IL17RA: variants seen among roughly 807,000 people sequenced by gnomAD.
IL17RA encodes the protein interleukin-17 receptor A.
IL17RA carries 34 observed loss-of-function variants against 50.4 expected under a neutral mutation model. That is an observed-to-expected ratio of 0.67 (90% confidence interval 0.51 to 0.90). The LOEUF (loss-of-function observed/expected upper bound fraction) is 0.90, where lower values mean the gene tolerates loss of function less well. Among genes scored for constraint, IL17RA ranks in the 40% least tolerant of loss-of-function variants. The pLI, the probability that IL17RA is intolerant of heterozygous loss-of-function variation, is 0.00. For synonymous variants in IL17RA, 585 were observed against 510.4 expected (o/e 1.15, Z -1.97); for missense variants, 1,276 against 1,169.8 (o/e 1.09, Z -1.32).
intron 12 of IL17RA, 106 bp downstream of exon 12, chr22:17,107,874 C>T: frequency 1.0e-6 from 1 of 969,300 alleles, no homozygotes; most frequent in Non-Finnish European, 1.7e-6. Context: ...CAAGTCCCTT[C>T]AGGAGACCCC....
chr22:17,106,227 A>G (rs1355310485), intron 11 of IL17RA, among the ~76,000 whole-genome samples: 2 of 152,222 alleles, frequency 1.3e-5, no homozygotes, highest in Admixed American at 1.3e-4. Flanking sequence ...GAGCCGGAGT[A>G]AAGTTTCCCT....
intron 1 of IL17RA, among the ~76,000 whole-genome samples, chr22:17,091,302 A>C (rs1352437682): frequency 2.0e-5 from 3 of 152,184 alleles, no homozygotes; most frequent in African/African-American, 7.2e-5. Context: ...TGTGAAAATT[A>C]TGTGTTAAAG....
chr22:17,090,912 C>G (rs1158928307), intron 1 of IL17RA, among the ~76,000 whole-genome samples: 1 of 152,100 alleles, frequency 6.6e-6, no homozygotes, highest in East Asian at 1.9e-4. Context: ...TAGTTTTGTT[C>G]TATCAGACTT....
chr22:17,105,524 T>C, intron 9 of IL17RA, 67 bp from the exon 10 acceptor site: 1 of 1,508,596 alleles, frequency 6.6e-7, no homozygotes, highest in Non-Finnish European at 9.2e-7. Context: ...ACGTCAGTTG[T>C]GTTTCTTGTG....
At position 17,109,471 on chromosome 22, in the gene IL17RA, T is replaced by C. The variant is rs1041169990; in HGVS notation, c.2252T>C (p.Leu751Ser). 1.2e-6 allele frequency: 2 copies of C among 1,612,618 alleles called. No individual in the cohort carries two copies. Among genetic ancestry groups the C allele is most frequent in the Non-Finnish European group, 1.7e-6 (2 of 1,179,724 alleles). Residue 751 changes from leucine (L) to serine (S), a missense_variant, in exon 13 of 13, where the codon TTG becomes TCG. Physicochemically the swap from Leu to Ser is moderately radical, Grantham distance 145 (BLOSUM62 -2). Transcript: ENST00000319363. ...GACGTGAGGGAGCACCTCGAAGGCT[T>C]GATGCTCTCGCTCTTCGAGCAGAGT... ...PEDVREHLEG[L>S]MLSLFEQSLS...
intron 1 of IL17RA, among the ~76,000 whole-genome samples, chr22:17,090,726 G>T (rs1330443319): frequency 6.6e-6 from 1 of 152,136 alleles, no homozygotes; most frequent in Non-Finnish European, 1.5e-5. Context: ...GTTAAATCAT[G>T]ATTTTAGTTA....
chr22:17,085,606 AAGGGGCCCGGGGAGG>A (rs999546617), intron 1 of IL17RA, among the ~76,000 whole-genome samples: 6 of 151,932 alleles, frequency 3.9e-5, no homozygotes. Context: ...GGCTGTGGAG[AAGGGGCCCGGGGAGG>A]AGCCAGGACG....
chr22:17,101,976 C>A lies in IL17RA; in HGVS notation c.551-20C>A. 1 of 1,614,088 alleles carries A rather than the reference C, an allele frequency of 6.2e-7. No homozygotes were observed. Among genetic ancestry groups the A allele is most frequent in the East Asian group, 2.2e-5 (1 of 44,900 alleles). On this transcript the variant is annotated intron_variant, in intron 5 of 12. Coordinates refer to ENST00000319363, the MANE Select transcript of IL17RA (RefSeq NM_014339.7). The stretch of plus-strand genomic sequence containing the variant: ...CTGAAGGCAGAGGCTTAATGAGTTT[C>A]CTTTTTTCTGGGTCGACAGACTGTG...
chr22:17,104,849 AC>A lies in IL17RA; in HGVS notation c.931+40del, dbSNP rs748237942. 2.5e-6 allele frequency: 4 copies of A among 1,598,280 alleles called. No individual in the cohort carries two copies. In the South Asian group the frequency reaches 4.4e-5, roughly 18 times the overall value. Reference sequence around the variant, plus strand: ...GGCTGTCCTAGGCCATACTGGGAGAACAAGTGGCTGAAGGCCCCCAGCCTGT... The same window carrying A: ...GGCTGTCCTAGGCCATACTGGGAGAAAAGTGGCTGAAGGCCCCCAGCCTGT... On this transcript the variant is annotated intron_variant, in intron 9 of 12. Transcript: ENST00000319363.
At chr22:17,094,689 C>CTATATATATATA (rs1435523726) in intron 1 of IL17RA, among the ~76,000 whole-genome samples, 5 of 39,298 alleles carry the variant, frequency 1.3e-4, no homozygotes, top group African/African-American at 2.7e-4. Context: ...CTCTCTCTCT[C>CTATATATATATA]TCTATATATA....
rs1212608891 is a variant in IL17RA, at chr22:17,100,357, G to T, written c.426G>T (p.Trp142Cys). 3 of 1,613,962 alleles carry T rather than the reference G, an allele frequency of 1.9e-6. No homozygotes were observed. Among genetic ancestry groups the T allele is most frequent in the Non-Finnish European group, 1.7e-6 (2 of 1,180,020 alleles). The change falls in exon 5 of 13, where the codon TGG (tryptophan) becomes TGT (cysteine). Residue 142 changes from tryptophan to cysteine, a missense_variant and splice_region_variant. Transcript: ENST00000319363. ...LSKLRHHHRR[W>C]RFTFSHFVVD... ...TTCCCTTCCTCCCTTCTCTTCAGTG[G>T]CGTTTTACCTTCAGCCACTTTGTGG...
intron 1 of IL17RA, 123 bp downstream of exon 1, chr22:17,085,352 C>A: frequency 6.8e-7 from 1 of 1,470,748 alleles, no homozygotes; most frequent in South Asian, 1.3e-5. Flanking sequence ...GCGCCGCGGG[C>A]TTAGAGGGGC....
rs751990928 is a variant in IL17RA at position 17,085,141 on chromosome 22, GGCTGCTCCT to G, written c.61_69del (p.Leu21_Leu23del). On this transcript the variant is annotated inframe_deletion, in exon 1 of 13. Coordinates refer to ENST00000319363, the MANE Select transcript of IL17RA (RefSeq NM_014339.7). ...TCCGCTGTCCCGGGGCCCCTGCTGGGGCTGCTCCTGCTGCTCCTGGGCGTGCTGGCCCCG... is the reference window on the plus strand; with the variant it reads ...TCCGCTGTCCCGGGGCCCCTGCTGGGGCTGCTCCTGGGCGTGCTGGCCCCG... The G allele has an allele frequency of 6.6e-6, 10 of 1,504,932 alleles. No individual in the cohort carries two copies. Among genetic ancestry groups the G allele is most frequent in the South Asian group, 6.2e-5 (5 of 80,552 alleles). The allele number at this position is 1,504,932 out of a possible 1,614,324, so 93.2% of individuals were successfully genotyped here. A position where few individuals can be genotyped will look rare whatever the true frequency, so the allele number is the denominator to read the frequency against.
In IL17RA at chr22:17,111,409, G is replaced by A. The variant is rs568910776; in HGVS notation, c.*1589G>A. 2.0e-5 allele frequency: 3 copies of A among 152,368 alleles called. No individual in the cohort carries two copies. In the South Asian group the frequency reaches 6.2e-4, roughly 32 times the overall value. The allele number at this position is 152,368 out of a possible 1,614,324, so 9.4% of individuals were successfully genotyped here. A position where few individuals can be genotyped will look rare whatever the true frequency, so the allele number is the denominator to read the frequency against. On this transcript the variant is annotated 3_prime_UTR_variant, in exon 13 of 13. Coordinates refer to ENST00000319363, the MANE Select transcript of IL17RA (RefSeq NM_014339.7). ...AGGGTGCAAGGGCAAGGAAATGAGGGGTGGTGGGTCAGTGAAGATCTGGGC... is the reference window on the plus strand; with the variant it reads ...AGGGTGCAAGGGCAAGGAAATGAGGAGTGGTGGGTCAGTGAAGATCTGGGC...
intron 4 of IL17RA, 127 bp downstream of exon 4, chr22:17,099,014 C>G (rs2123799311): frequency 3.8e-6 from 3 of 782,598 alleles, no homozygotes; most frequent in Middle Eastern, 4.5e-4. Flanking sequence ...CTGTGGAATT[C>G]AGAATGGCAG....
At position 17,097,954 on chromosome 22, in the gene IL17RA, A is replaced by AT. The variant is rs1568918662; in HGVS notation, c.310+12dup. The AT allele has an allele frequency of 6.2e-7, 1 of 1,613,892 alleles. No individual in the cohort carries two copies. The highest frequency in any genetic ancestry group is 8.5e-7 in the Non-Finnish European group (1 of 1,180,034). ...CACTGCAGACAGACGGTGAGTGGGC[A>AT]TGCCAGCAGGGCCCTGGGGGATTCT... On this transcript the variant is annotated intron_variant, in intron 3 of 12. Transcript: ENST00000319363.
At chr22:17,103,732 G>T (rs1465799902) in intron 8 of IL17RA, among the ~76,000 whole-genome samples, 155 bp downstream of exon 8, 2 of 149,790 alleles carry the variant, frequency 1.3e-5, no homozygotes, top group African/African-American at 4.9e-5. Flanking sequence ...AGTGGGGAGC[G>T]TGCACAGGTG....
At chr22:17,102,075 A>T (rs1338393462) in intron 6 of IL17RA, 32 bp downstream of exon 6, 1 of 1,614,040 alleles carries the variant, frequency 6.2e-7, no homozygotes, top group East Asian at 2.2e-5. Flanking sequence ...CTTTATTTGG[A>T]TGCATACACA....
intron 10 of IL17RA, 106 bp downstream of exon 10, chr22:17,105,708 G>A: frequency 7.4e-7 from 1 of 1,348,216 alleles, no homozygotes; most frequent in East Asian, 2.4e-5. Context: ...CTGAACCGAG[G>A]CCAGCCCGGG....
Sources: allele counts gnomAD v4.1 joint callset (sites outside exome capture counted in the v4.1 genomes callset), GRCh38; gene constraint gnomAD v4.1.1; transcripts MANE v1.5; gene names NCBI Gene and HGNC (gene_info 2026-07-23, HGNC 2026-07-21).